The following AFAP1 variants were observed in gnomAD, a reference collection of about 807,000 sequenced individuals.
The protein encoded by AFAP1 is actin filament-associated protein 1.
In AFAP1, 75 loss-of-function variants were observed where a neutral mutation model predicts 93.9. The ratio of observed to expected loss-of-function variants is 0.80; its 90% CI spans 0.66 to 0.97. The LOEUF (loss-of-function observed/expected upper bound fraction) is 0.97, where lower values mean the gene tolerates loss of function less well. Among genes scored for constraint, AFAP1 ranks in the 50% least tolerant of loss-of-function variants. The pLI, the probability that AFAP1 is intolerant of heterozygous loss-of-function variation, is 0.00. For missense variants in AFAP1, 1,201 were observed against 1,050.8 expected, an observed-to-expected ratio of 1.14 and a Z score of -1.98; for synonymous variants, 517 against 430.7, an observed-to-expected ratio of 1.20 and a Z score of -2.48.
At chr4:7,864,164 C>CACCTTCCCAACTTCCCATCACAACACCTT (rs1314891559) in intron 3 of AFAP1, among the ~76,000 whole-genome samples, 17 of 152,026 alleles carry the variant, frequency 1.1e-4, no homozygotes, top group Admixed American at 2.0e-4. Context: ...CTCATCACAA[C>CACCTTCCCAACTTCCCATCACAACACCTT]CCACAGGTCC....
intron 12 of AFAP1, among the ~76,000 whole-genome samples, chr4:7,783,215 C>T (rs1311389694): frequency 6.6e-6 from 1 of 152,166 alleles, no homozygotes; most frequent in Non-Finnish European, 1.5e-5. Context: ...TCTCAGCTCA[C>T]TGCAGCCTCC....
intron 1 of AFAP1, among the ~76,000 whole-genome samples, chr4:7,921,677 C>T (rs961855853): frequency 2.0e-5 from 3 of 152,214 alleles, no homozygotes; most frequent in Admixed American, 1.3e-4. Flanking sequence ...CCATTTCTAG[C>T]AATGCATCCT....
chr4:7,934,620 G>C (rs1478361172), intron 1 of AFAP1, among the ~76,000 whole-genome samples: 3 of 152,186 alleles, frequency 2.0e-5, no homozygotes, highest in Non-Finnish European at 4.4e-5. Flanking sequence ...AGGAGAGAGA[G>C]GAAAGCAGGC....
intron 1 of AFAP1, among the ~76,000 whole-genome samples, chr4:7,894,594 G>C (rs1345724184): frequency 6.6e-6 from 1 of 152,130 alleles, no homozygotes; most frequent in East Asian, 1.9e-4. Context: ...GCAGAATCAG[G>C]GAGACAGAGG....
At chr4:7,863,389 A>T (rs572941285) in intron 3 of AFAP1, among the ~76,000 whole-genome samples, 106 of 152,350 alleles carry the variant, frequency 7.0e-4, no homozygotes, top group Non-Finnish European at 1.3e-3. Context: ...ACTGCACTCC[A>T]GCCTGGGCGA....
At chr4:7,801,425 T>A (rs1232331772) in intron 9 of AFAP1, among the ~76,000 whole-genome samples, 1 of 151,080 alleles carries the variant, frequency 6.6e-6, no homozygotes. Flanking sequence ...AAAATTATTA[T>A]CCTCATTTAA....
intron 1 of AFAP1, among the ~76,000 whole-genome samples, chr4:7,883,850 G>C (rs2149199343): frequency 6.6e-6 from 1 of 152,302 alleles, no homozygotes; most frequent in East Asian, 1.9e-4. Flanking sequence ...CTTGCCTTTG[G>C]ATAGGACAAC....
At position 7,936,613 on chromosome 4, in the gene AFAP1, A is replaced by G. The variant is rs191838731; in HGVS notation, c.-3+3043T>C. On this transcript the variant is annotated intron_variant, in intron 1 of 17. Coordinates refer to ENST00000420658, the MANE Select transcript of AFAP1 (RefSeq NM_001134647.2). ...TTTTTTTTTTTTGAGATGGAGTCTC[A>G]CTCTGTCACCCAGGCTGGAGTGCAG... Among the ~76,000 whole-genome samples the G allele has an allele frequency of 2.5e-3, 345 of 139,780 alleles. 1 individual carries two copies. Among genetic ancestry groups the G allele is most frequent in the African/African-American group, 9.1e-3 (324 of 35,664 alleles). 91.7% of individuals were successfully genotyped at this position (139,780 alleles called of 152,430 possible). A position where few individuals can be genotyped will look rare whatever the true frequency, so the allele number is the denominator to read the frequency against.
chr4:7,843,387 CT>C, intron 4 of AFAP1, 37 bp from the exon 5 acceptor site: 1 of 1,557,874 alleles, frequency 6.4e-7, no homozygotes, highest in African/African-American at 1.4e-5. Context: ...AAAAGGACTT[CT>C]TTACCTTGAA....
intron 9 of AFAP1, among the ~76,000 whole-genome samples, chr4:7,806,384 A>G (rs2149043877): frequency 6.6e-6 from 1 of 152,010 alleles, no homozygotes; most frequent in Non-Finnish European, 1.5e-5. Context: ...AGGCCCTCAC[A>G]GCAGCTCTGT....
At chr4:7,811,977 A>C (rs1720087235) in intron 8 of AFAP1, among the ~76,000 whole-genome samples, 1 of 137,384 alleles carries the variant, frequency 7.3e-6, no homozygotes, top group African/African-American at 2.7e-5. Context: ...ACACGTACAC[A>C]CCCTCTTTTA....
intron 5 of AFAP1, chr4:7,842,705 G>GA (rs1251073544): frequency 6.4e-6 from 1 of 156,454 alleles, no homozygotes; most frequent in Non-Finnish European, 1.4e-5. Flanking sequence ...AAAAAAAAAT[G>GA]GGAATTGGCC....
chr4:7,767,362 AT>A (rs1010293353), intron 17 of AFAP1, among the ~76,000 whole-genome samples: 12 of 152,102 alleles, frequency 7.9e-5, no homozygotes, highest in African/African-American at 2.7e-4. Context: ...GGACCACAGA[AT>A]TTTCAGTCCA....
intron 10 of AFAP1, among the ~76,000 whole-genome samples, chr4:7,798,537 T>C (rs796985990): frequency 9.2e-5 from 14 of 152,352 alleles, no homozygotes; most frequent in African/African-American, 3.4e-4. Flanking sequence ...ATTGGAAGGC[T>C]GTAGATGTTT....
At chr4:7,780,007 A>G (rs1716588821) in intron 13 of AFAP1, among the ~76,000 whole-genome samples, 1 of 152,248 alleles carries the variant, frequency 6.6e-6, no homozygotes, top group Non-Finnish European at 1.5e-5. Flanking sequence ...ATGATTCCCA[A>G]CCAATGTGGG....
intron 1 of AFAP1, among the ~76,000 whole-genome samples, chr4:7,922,480 A>C (rs62290579): frequency 5.9e-5 from 9 of 152,192 alleles, no homozygotes; most frequent in Middle Eastern, 3.4e-3. Context: ...CCAGATGGAG[A>C]TAAGAACATA....
chr4:7,895,727 T>G (rs1718723595), intron 1 of AFAP1, among the ~76,000 whole-genome samples: 1 of 152,078 alleles, frequency 6.6e-6, no homozygotes, highest in Admixed American at 6.5e-5. Flanking sequence ...CAGTGAACAA[T>G]AGCTGCCATC....
intron 9 of AFAP1, among the ~76,000 whole-genome samples, chr4:7,807,828 G>A (rs922856946): frequency 5.3e-5 from 8 of 152,310 alleles, no homozygotes; most frequent in South Asian, 2.1e-4. Flanking sequence ...GACAGTGCAC[G>A]CCATAGTGCC....
rs778464202 is a variant in AFAP1, at chr4:7,939,625, G to C, written c.-3+31C>G. On this transcript the variant is annotated intron_variant, in intron 1 of 17. Coordinates refer to ENST00000420658, the MANE Select transcript of AFAP1 (RefSeq NM_001134647.2). The surrounding 1 kb of genome is among the most constrained non-coding windows in gnomAD (Gnocchi z 5.6). ...CGGGGCAGAGACCCCCGCCGGGTCC[G>C]GAGACCCTGCCGCCAGTCGCGCCGT... The C allele has an allele frequency of 4.8e-6, 2 of 414,624 alleles. No individual in the cohort carries two copies. The highest frequency in any genetic ancestry group is 3.3e-5 in the South Asian group (2 of 60,528). The allele number at this position is 414,624 out of a possible 1,614,324, so 25.7% of individuals were successfully genotyped here.
Sources: allele counts gnomAD v4.1 joint callset (sites outside exome capture counted in the v4.1 genomes callset), GRCh38; gene constraint gnomAD v4.1.1; non-coding constraint Gnocchi (gnomAD v3.1); transcripts MANE v1.5; gene names NCBI Gene and HGNC (gene_info 2026-07-23, HGNC 2026-07-21).